The following RBIS variants were observed in gnomAD, a reference collection of about 807,000 sequenced individuals.
RBIS encodes ribosomal biogenesis factor.
In RBIS, 9 loss-of-function variants were observed where a neutral mutation model predicts 9.8. That is an observed-to-expected ratio of 0.92 (90% CI 0.56 to 1.61). The LOEUF (loss-of-function observed/expected upper bound fraction) is 1.61. Among genes scored for constraint, RBIS ranks in the 40% most tolerant of loss-of-function variants. The pLI is 0.00. For synonymous variants in RBIS, 35 were observed against 37.9 expected, an observed-to-expected ratio of 0.92 and a Z score of 0.28; for missense variants, 103 against 116.0, an observed-to-expected ratio of 0.89 and a Z score of 0.51.
At chr8:85,219,256 G>C (rs760933176) in intron 1 of RBIS, 1 of 152,160 alleles carries the variant, frequency 6.6e-6, no homozygotes, top group African/African-American at 2.4e-5. Flanking sequence ...TCGTAGTCTT[G>C]ACTGAAATTT....
chr8:85,220,020 T>C (rs1813305217), intron 1 of RBIS, among the ~76,000 whole-genome samples: 1 of 152,120 alleles, frequency 6.6e-6, no homozygotes, highest in African/African-American at 2.4e-5. Context: ...GCAAGGTTCG[T>C]GGAGAAAGTA....
In RBIS at chr8:85,214,290, G is replaced by A. The variant is rs1450020777; in HGVS notation, c.*270C>T. ...CCTTCTATCCAAACAGACGTTCACT[G>A]CCACTTGTAAAGTGAAGGATGTAAA... On this transcript the variant is annotated 3_prime_UTR_variant, in exon 4 of 4. Transcript: ENST00000619594. 2 of 576,944 alleles carry A rather than the reference G, an allele frequency of 3.5e-6. No homozygotes were observed. Among genetic ancestry groups the A allele is most frequent in the Non-Finnish European group, 6.3e-6 (2 of 316,154 alleles). 35.7% of individuals were successfully genotyped at this position (576,944 alleles called of 1,614,324 possible).
rs751410417 is a variant in RBIS at position 85,214,110 on chromosome 8, G to T, written c.*450C>A. 1.7e-6 allele frequency: 1 copy of T among 572,786 alleles called. No individual in the cohort carries two copies. Among genetic ancestry groups the T allele is most frequent in the South Asian group, 1.6e-5 (1 of 63,976 alleles). 35.5% of individuals were successfully genotyped at this position (572,786 alleles called of 1,614,324 possible). ...CACTCCCAAAAGTAACTATATTCTG[G>T]ATTTCAACTTTTCTTCTAATTGTGA... On this transcript the variant is annotated 3_prime_UTR_variant, in exon 4 of 4. Coordinates refer to ENST00000619594, the MANE Select transcript of RBIS (RefSeq NM_001099673.3).
Position 85,214,506 on chromosome 8 carries a change from A to G in RBIS, c.*54T>C. 8.3e-7 allele frequency: 1 copy of G among 1,200,060 alleles called. No individual in the cohort carries two copies. Among genetic ancestry groups the G allele is most frequent in the Non-Finnish European group, 1.2e-6 (1 of 816,290 alleles). 74.3% of individuals were successfully genotyped at this position (1,200,060 alleles called of 1,614,324 possible). On this transcript the variant is annotated 3_prime_UTR_variant, in exon 4 of 4. Transcript: ENST00000619594. ...ACAAGATTTTTAAAAATAAAATTGTATAAAACATTCAATTTATTGGTCTTT... is the reference window on the plus strand; with the variant it reads ...ACAAGATTTTTAAAAATAAAATTGTGTAAAACATTCAATTTATTGGTCTTT...
intron 3 of RBIS, 39 bp downstream of exon 3, chr8:85,214,882 T>C (rs1337569079): frequency 9.0e-7 from 1 of 1,113,208 alleles, no homozygotes; most frequent in East Asian, 2.4e-5. Flanking sequence ...TTAGCCTCAA[T>C]TTGTTAGCCA....
chr8:85,214,621 T>C lies in RBIS; in HGVS notation c.242A>G (p.Gln81Arg). ...EPLQKELIPQ[Q>R]RHESKPVNVD... ...ATTAACTGGTTTGCTTTCATGACGC[T>C]GCTGAGGAATCTGAAAGGAGAAAGT... Residue 81 changes from glutamine to arginine, a missense_variant, in exon 4 of 4, where the codon CAG becomes CGG. Physicochemically the swap from Gln to Arg is conservative, Grantham distance 43. Transcript: ENST00000619594. The C allele has an allele frequency of 1.3e-6, 2 of 1,569,578 alleles. No homozygotes were observed. The highest frequency in any genetic ancestry group is 2.2e-5 in the South Asian group (2 of 89,936).
At chr8:85,215,225 A>G in intron 2 of RBIS, 188 bp from the exon 3 acceptor site, 1 of 378,102 alleles carries the variant, frequency 2.6e-6, no homozygotes, top group Non-Finnish European at 4.7e-6. Flanking sequence ...AAAAAATGGG[A>G]TTTATGTGGC....
intron 1 of RBIS, chr8:85,219,113 C>T (rs550370079): frequency 6.6e-6 from 1 of 152,356 alleles, no homozygotes; most frequent in Admixed American, 6.5e-5. Context: ...ATATTACTGG[C>T]ACTCTGAATC....
At chr8:85,217,028 A>G (rs1813178188) in intron 2 of RBIS, 2 of 362,598 alleles carry the variant, frequency 5.5e-6, no homozygotes, top group Admixed American at 9.1e-5. Flanking sequence ...ATGGGTGCTC[A>G]CTGACATCCC....
intron 1 of RBIS, among the ~76,000 whole-genome samples, chr8:85,219,633 C>A (rs1008816644): frequency 2.0e-5 from 3 of 152,072 alleles, no homozygotes; most frequent in Admixed American, 2.0e-4. Context: ...CGCCTCTAAT[C>A]CCAGCTACTC....
At chr8:85,219,664 G>A (rs575312780) in intron 1 of RBIS, among the ~76,000 whole-genome samples, 15 of 152,208 alleles carry the variant, frequency 9.9e-5, no homozygotes, top group African/African-American at 3.4e-4. Flanking sequence ...GACACGAGGA[G>A]GCGGAGGTTG....
chr8:85,216,007 C>T (rs1813134140), intron 2 of RBIS: 1 of 152,210 alleles, frequency 6.6e-6, no homozygotes, highest in Non-Finnish European at 1.5e-5. Flanking sequence ...GAAGATTCAT[C>T]TGCAGAATTG....
intron 2 of RBIS, 197 bp from the exon 3 acceptor site, chr8:85,215,234 G>A: frequency 5.4e-6 from 2 of 370,846 alleles, no homozygotes; most frequent in East Asian, 1.0e-4. Context: ...GATTTATGTG[G>A]CTATGCCTCA....
At position 85,217,476 on chromosome 8, in the gene RBIS, C is replaced by T; in HGVS notation, c.24G>A (p.Gly8=). The T allele has an allele frequency of 6.2e-7, 1 of 1,611,326 alleles. No individual in the cohort carries two copies. Among genetic ancestry groups the T allele is most frequent in the Non-Finnish European group, 8.5e-7 (1 of 1,179,030 alleles). MAKNKLR[G]PKSRNVFHIA... ...TGTGAAATACATTCCTGGACTTCGG[C>T]CCTCTTAATTTGTTCTTGGCCATTG... The change falls in exon 2 of 4, where the codon GGG becomes GGA. Residue 8 remains glycine, a synonymous_variant. Coordinates refer to ENST00000619594, the MANE Select transcript of RBIS (RefSeq NM_001099673.3).
At chr8:85,215,285 T>C (rs539416475) in intron 2 of RBIS, 1 of 213,186 alleles carries the variant, frequency 4.7e-6, no homozygotes, top group South Asian at 1.1e-4. Flanking sequence ...ACTGTGATAT[T>C]GTGATTCATA....
At chr8:85,216,090 A>G (rs1156881868) in intron 2 of RBIS, 1 of 152,224 alleles carries the variant, frequency 6.6e-6, no homozygotes, top group Non-Finnish European at 1.5e-5. Flanking sequence ...TGAGAGTAAG[A>G]GAAACTGAGT....
chr8:85,215,042 T>C lies in RBIS; in HGVS notation c.115-5A>G, dbSNP rs2129797615. The C allele has an allele frequency of 8.3e-7, 1 of 1,205,556 alleles. No individual in the cohort carries two copies. The highest frequency in any genetic ancestry group is 2.5e-5 in the East Asian group (1 of 40,802). The allele number at this position is 1,205,556 out of a possible 1,614,324, so 74.7% of individuals were successfully genotyped here. On this transcript the variant is annotated splice_polypyrimidine_tract_variant and splice_region_variant and intron_variant, in intron 2 of 3. Transcript: ENST00000619594. ...TTCCTCATTCATAATGTTTATCTTTTAAAAAGAAAAAAAGCATTAATCTAT... is the reference window on the plus strand; with the variant it reads ...TTCCTCATTCATAATGTTTATCTTTCAAAAAGAAAAAAAGCATTAATCTAT...
At position 85,220,308 on chromosome 8, in the gene RBIS, G is replaced by T. The variant is rs1377506166; in HGVS notation, c.-6C>A. 1 of 152,296 alleles carries T rather than the reference G, an allele frequency of 6.6e-6. No individual in the cohort carries two copies. The highest frequency in any genetic ancestry group is 2.4e-5 in the African/African-American group (1 of 41,468). The allele number at this position is 152,296 out of a possible 1,614,324, so 9.4% of individuals were successfully genotyped here. ...AACTTAATTTATTAAACTCTCACCAGAAGTTTAACACTTGCGTGCAGCTTT... is the reference window on the plus strand; with the variant it reads ...AACTTAATTTATTAAACTCTCACCATAAGTTTAACACTTGCGTGCAGCTTT... On this transcript the variant is annotated splice_region_variant and 5_prime_UTR_variant, in exon 1 of 4. The change creates a new upstream start codon in the 5' untranslated region. Transcript: ENST00000619594.
chr8:85,214,482 C>T lies in RBIS; in HGVS notation c.*78G>A, dbSNP rs1486314867. The T allele has an allele frequency of 9.7e-7, 1 of 1,030,560 alleles. No individual in the cohort carries two copies. Among genetic ancestry groups the T allele is most frequent in the Non-Finnish European group, 1.5e-6 (1 of 667,466 alleles). The allele number at this position is 1,030,560 out of a possible 1,614,324, so 63.8% of individuals were successfully genotyped here. ...AAATGTGCCAATGCCTGTACATTAA[C>T]AAGATTTTTAAAAATAAAATTGTAT... On this transcript the variant is annotated 3_prime_UTR_variant, in exon 4 of 4. Transcript: ENST00000619594.
Sources: gnomAD v4.1 joint callset for allele counts (sites outside exome capture counted in the v4.1 genomes callset) on GRCh38, gnomAD v4.1.1 for gene constraint, MANE v1.5 for transcripts, NCBI Gene and HGNC (gene_info 2026-07-23, HGNC 2026-07-21) for gene names.